The following BCKDHB variants were observed in gnomAD, a reference collection of about 807,000 sequenced individuals.
BCKDHB encodes branched chain keto acid dehydrogenase E1 subunit beta, also known as 2-oxoisovalerate dehydrogenase subunit beta, mitochondrial.
In BCKDHB, 41 loss-of-function variants were observed where a neutral mutation model predicts 48.5. The observed-to-expected ratio is 0.85, with a 90% CI of 0.66 to 1.10. The LOEUF is 1.10. Among genes scored for constraint, BCKDHB ranks in the 50% least tolerant of loss-of-function variants. The probability of loss-of-function intolerance (pLI) is 0.00; values close to 1 mark genes in which losing one functional copy is unlikely to be tolerated. For synonymous variants in BCKDHB, 201 were observed against 174.8 expected (o/e 1.15, Z -1.18); for missense variants, 496 against 494.2 (o/e 1.00, Z -0.03).
the BCKDHB span, among the ~76,000 whole-genome samples, chr6:80,447,130 GA>G: frequency 6.6e-6 from 1 of 151,912 alleles, no homozygotes; most frequent in South Asian, 2.1e-4. Context: ...TTTTTTTCTG[GA>G]TATGATGAAC....
At chr6:80,395,944 T>C in the BCKDHB span, among the ~76,000 whole-genome samples, 2 of 152,068 alleles carry the variant, frequency 1.3e-5, no homozygotes, top group East Asian at 1.9e-4. Flanking sequence ...GCCTTGGTGG[T>C]TTACACGTGG....
intron 1 of BCKDHB, among the ~76,000 whole-genome samples, chr6:80,124,003 C>G (rs1770194759): frequency 1.3e-5 from 2 of 152,148 alleles, no homozygotes; most frequent in African/African-American, 2.4e-5. Context: ...AATTTTAGAT[C>G]TTTCCTGTTT....
At chr6:80,241,020 C>T (rs756442027) in intron 8 of BCKDHB, among the ~76,000 whole-genome samples, 16 of 152,094 alleles carry the variant, frequency 1.1e-4, no homozygotes, top group Middle Eastern at 3.4e-3. Flanking sequence ...TCACTGATAC[C>T]CTTCTTCCAC....
At chr6:80,240,423 G>A (rs948523590) in intron 8 of BCKDHB, among the ~76,000 whole-genome samples, 2 of 152,044 alleles carry the variant, frequency 1.3e-5, no homozygotes, top group African/African-American at 4.8e-5. Context: ...TATTCTCTTT[G>A]AAGCAATTGT....
At chr6:80,257,082 A>C (rs962113952) in intron 8 of BCKDHB, among the ~76,000 whole-genome samples, 1 of 152,126 alleles carries the variant, frequency 6.6e-6, no homozygotes, top group Non-Finnish European at 1.5e-5. Flanking sequence ...TTTATGTGAG[A>C]CTTCTTTAAA....
At chr6:80,142,880 C>G (rs1355411811) in intron 3 of BCKDHB, among the ~76,000 whole-genome samples, 1 of 152,024 alleles carries the variant, frequency 6.6e-6, no homozygotes, top group Non-Finnish European at 1.5e-5. Context: ...AAATTTTTTT[C>G]TCTTTCAAAC....
At chr6:80,410,008 T>G in the BCKDHB span, among the ~76,000 whole-genome samples, 1 of 152,308 alleles carries the variant, frequency 6.6e-6, no homozygotes, top group Admixed American at 6.5e-5. Context: ...GCTGGTTATT[T>G]TGCCCATTAA....
intron 6 of BCKDHB, among the ~76,000 whole-genome samples, chr6:80,197,900 G>T (rs1235641018): frequency 6.6e-6 from 1 of 151,752 alleles, no homozygotes; most frequent in Non-Finnish European, 1.5e-5. Flanking sequence ...CTGTCTATTT[G>T]TCCACCCGCC....
At chr6:80,374,273 G>A in the BCKDHB span, 2 of 837,122 alleles carry the variant, frequency 2.4e-6, no homozygotes, top group East Asian at 2.5e-5. Flanking sequence ...CACCATTACT[G>A]TCTGCATTTT....
intron 1 of BCKDHB, among the ~76,000 whole-genome samples, chr6:80,117,882 C>G (rs990953903): frequency 2.6e-5 from 4 of 152,192 alleles, no homozygotes; most frequent in African/African-American, 7.2e-5. Flanking sequence ...CTCCACAACT[C>G]TATATTTCTG....
intron 3 of BCKDHB, among the ~76,000 whole-genome samples, chr6:80,156,901 A>G (rs1772069314): frequency 6.6e-6 from 1 of 152,182 alleles, no homozygotes; most frequent in Admixed American, 6.5e-5. Flanking sequence ...TTGGTTAGGT[A>G]GTTACTTTTG....
chr6:80,291,013 C>T (rs1235675778), intron 9 of BCKDHB, among the ~76,000 whole-genome samples: 1 of 152,196 alleles, frequency 6.6e-6, no homozygotes, highest in Non-Finnish European at 1.5e-5. Flanking sequence ...TCTTAGCCAG[C>T]TTCTTTACTG....
In BCKDHB at chr6:80,340,520, AC is replaced by A. The variant is rs1051831099; in HGVS notation, c.1039-3143del. On this transcript the variant is annotated intron_variant, in intron 9 of 9. Transcript: ENST00000320393. ...GTTTCTAGCCCATATTCTGCATAAT[AC>A]ATGTAAGTCTCTCAACAGCCCTGTA... Among the ~76,000 whole-genome samples the A allele has an allele frequency of 1.4e-3, 211 of 152,342 alleles. 1 individual carries two copies. Among genetic ancestry groups the A allele is most frequent in the African/African-American group, 4.7e-3 (197 of 41,584 alleles).
intron 6 of BCKDHB, among the ~76,000 whole-genome samples, chr6:80,191,764 A>G (rs1372487929): frequency 6.6e-6 from 1 of 152,184 alleles, no homozygotes; most frequent in Non-Finnish European, 1.5e-5. Flanking sequence ...GAGATGCTAA[A>G]TGGTTGTGGT....
At chr6:80,457,744 A>G in the BCKDHB span, among the ~76,000 whole-genome samples, 1 of 152,178 alleles carries the variant, frequency 6.6e-6, no homozygotes, top group Non-Finnish European at 1.5e-5. Flanking sequence ...TTGCTAACAT[A>G]CTCATCCTAT....
At chr6:80,199,753 C>T (rs1279913308) in intron 6 of BCKDHB, among the ~76,000 whole-genome samples, 3 of 117,544 alleles carry the variant, frequency 2.6e-5, no homozygotes, top group Non-Finnish European at 1.6e-5. Context: ...GCCTGGGCGA[C>T]AGAGTGAGAC....
At chr6:80,322,524 C>A (rs529465219) in intron 9 of BCKDHB, among the ~76,000 whole-genome samples, 4 of 152,026 alleles carry the variant, frequency 2.6e-5, no homozygotes, top group Middle Eastern at 3.4e-3. Flanking sequence ...GGCATGAGCC[C>A]CCACACCTGG....
intron 9 of BCKDHB, among the ~76,000 whole-genome samples, chr6:80,342,282 C>A (rs958809567): frequency 3.9e-5 from 6 of 151,952 alleles, no homozygotes; most frequent in African/African-American, 1.2e-4. Flanking sequence ...CTCCTTAAAT[C>A]CTTTATAAAG....
chr6:80,446,519 T>C, the BCKDHB span, among the ~76,000 whole-genome samples: 1 of 152,116 alleles, frequency 6.6e-6, no homozygotes. Context: ...CCTTGGAGCA[T>C]GGAGCACGAA....
Sources: allele counts gnomAD v4.1 joint callset (sites outside exome capture counted in the v4.1 genomes callset), GRCh38; gene constraint gnomAD v4.1.1; transcripts MANE v1.5; gene names NCBI Gene and HGNC (gene_info 2026-07-23, HGNC 2026-07-21).